Variants in INPP4B observed in about 807,000 individuals in gnomAD.
The protein encoded by INPP4B is inositol polyphosphate-4-phosphatase type II B.
A neutral mutation model predicts 122.5 loss-of-function variants in INPP4B; 55 were observed. The ratio of observed to expected loss-of-function variants is 0.45; its 90% CI spans 0.36 to 0.56. The LOEUF is 0.56. Among genes scored for constraint, INPP4B ranks in the 20% least tolerant of loss-of-function variants. The pLI is 0.00. For synonymous variants in INPP4B, 403 were observed against 388.7 expected (o/e 1.04, Z -0.43); for missense variants, 1,000 against 1,097.7 (o/e 0.91, Z 1.26).
chr4:142,251,124 T>C (rs903847782), intron 11 of INPP4B, among the ~76,000 whole-genome samples: 12 of 152,212 alleles, frequency 7.9e-5, no homozygotes, highest in Non-Finnish European at 1.0e-4. Flanking sequence ...ATAAGTAATA[T>C]GTTTGCTTGA....
intron 2 of INPP4B, among the ~76,000 whole-genome samples, chr4:142,464,940 C>T (rs1817482557): frequency 6.6e-6 from 1 of 152,140 alleles, no homozygotes; most frequent in Non-Finnish European, 1.5e-5. Flanking sequence ...ATTAACAGAA[C>T]AGACTGCACA....
intron 8 of INPP4B, among the ~76,000 whole-genome samples, chr4:142,312,907 T>C (rs1295650851): frequency 6.6e-6 from 1 of 152,136 alleles, no homozygotes; most frequent in Non-Finnish European, 1.5e-5. Context: ...GCATCAAGTC[T>C]AGCAGTAAGA....
At chr4:142,806,793 AAG>A (rs752087193) in intron 1 of INPP4B, among the ~76,000 whole-genome samples, 8 of 135,612 alleles carry the variant, frequency 5.9e-5, no homozygotes, top group African/African-American at 2.0e-4. Context: ...GAAGGAAAGA[AAG>A]AAAGAAAGAA....
At chr4:142,048,608 T>C (rs577283873) in intron 25 of INPP4B, among the ~76,000 whole-genome samples, 1 of 152,028 alleles carries the variant, frequency 6.6e-6, no homozygotes, top group African/African-American at 2.4e-5. Context: ...CAGGTATTTA[T>C]GTGAACTAAG....
rs1818308032 is a variant in INPP4B at position 142,158,358 on chromosome 4, C to A, written c.1563+2000G>T. The stretch of plus-strand genomic sequence containing the variant: ...CGATTGCTATTTGTCTTTCTACAGC[C>A]CTGAATAGGCTGTGGAGTAACTGAG... On this transcript the variant is annotated intron_variant, in intron 17 of 25. Transcript: ENST00000262992. Among the ~76,000 whole-genome samples, 3 of 152,020 alleles carry A rather than the reference C, an allele frequency of 2.0e-5. No individual in the cohort carries two copies. In the South Asian group the frequency reaches 6.2e-4, roughly 31 times the overall value.
intron 25 of INPP4B, among the ~76,000 whole-genome samples, chr4:142,066,718 C>G (rs1453888715): frequency 6.6e-6 from 1 of 152,224 alleles, no homozygotes; most frequent in Admixed American, 6.5e-5. Context: ...CAGAGCCTCA[C>G]TCATTGTTAG....
intron 9 of INPP4B, among the ~76,000 whole-genome samples, chr4:142,280,456 AATTCAATTT>A (rs1750672053): frequency 6.6e-6 from 1 of 152,010 alleles, no homozygotes; most frequent in South Asian, 2.1e-4. Context: ...TATACTATAC[AATTCAATTT>A]ATTCAATTTC....
intron 2 of INPP4B, among the ~76,000 whole-genome samples, chr4:142,699,453 C>T (rs1316675084): frequency 2.0e-5 from 3 of 152,108 alleles, no homozygotes; most frequent in African/African-American, 7.2e-5. Context: ...GCTTGGTAAT[C>T]ACAGAGCTTG....
At chr4:142,662,328 T>C (rs1755348633) in intron 2 of INPP4B, among the ~76,000 whole-genome samples, 1 of 152,152 alleles carries the variant, frequency 6.6e-6, no homozygotes, top group African/African-American at 2.4e-5. Context: ...CTCTGCACAA[T>C]CTTAATGCTC....
At chr4:142,732,266 G>A (rs972320849) in intron 1 of INPP4B, among the ~76,000 whole-genome samples, 3 of 152,050 alleles carry the variant, frequency 2.0e-5, no homozygotes, top group African/African-American at 7.2e-5. Flanking sequence ...CTCACATGCT[G>A]ATGAACTATC....
intron 7 of INPP4B, among the ~76,000 whole-genome samples, chr4:142,380,449 C>T (rs1458313859): frequency 2.0e-5 from 3 of 152,136 alleles, no homozygotes; most frequent in African/African-American, 7.2e-5. Context: ...CAGGCTATCA[C>T]TTGCTCAAAA....
intron 1 of INPP4B, among the ~76,000 whole-genome samples, chr4:142,728,681 G>A (rs1765659567): frequency 6.6e-6 from 1 of 152,082 alleles, no homozygotes; most frequent in Non-Finnish European, 1.5e-5. Flanking sequence ...AAATCTACAA[G>A]CTAAGGAATG....
chr4:142,564,902 A>G (rs925807872), intron 2 of INPP4B, among the ~76,000 whole-genome samples: 1 of 152,204 alleles, frequency 6.6e-6, no homozygotes, highest in African/African-American at 2.4e-5. Context: ...GACAAAATAT[A>G]TAAGGTTATA....
chr4:142,072,815 T>C (rs1369861100), intron 25 of INPP4B, among the ~76,000 whole-genome samples: 1 of 152,106 alleles, frequency 6.6e-6, no homozygotes, highest in South Asian at 2.1e-4. Context: ...AAATTATCAC[T>C]ACAATATAAG....
intron 7 of INPP4B, among the ~76,000 whole-genome samples, chr4:142,391,085 C>T (rs898700496): frequency 6.6e-6 from 1 of 152,062 alleles, no homozygotes; most frequent in Non-Finnish European, 1.5e-5. Flanking sequence ...ATTTGAATAC[C>T]AAGAAAATAC....
chr4:142,652,974 T>C (rs946469828), intron 2 of INPP4B, among the ~76,000 whole-genome samples: 2 of 152,130 alleles, frequency 1.3e-5, no homozygotes, highest in Non-Finnish European at 2.9e-5. Flanking sequence ...CTTCAAACTA[T>C]ACTACAAGGC....
chr4:142,730,760 T>C (rs1765966434), intron 1 of INPP4B, among the ~76,000 whole-genome samples: 1 of 152,218 alleles, frequency 6.6e-6, no homozygotes, highest in Non-Finnish European at 1.5e-5. Context: ...AACTTGTGCC[T>C]CTCACATTTT....
intron 25 of INPP4B, among the ~76,000 whole-genome samples, chr4:142,064,509 T>G (rs1427087341): frequency 2.6e-5 from 4 of 152,110 alleles, no homozygotes; most frequent in Non-Finnish European, 5.9e-5. Context: ...AGATGTTTGT[T>G]ATATGAAAGA....
chr4:142,717,400 G>A (rs1419215695), intron 2 of INPP4B, among the ~76,000 whole-genome samples: 4 of 152,106 alleles, frequency 2.6e-5, no homozygotes, highest in Non-Finnish European at 4.4e-5. Context: ...GGCAATATTA[G>A]ACACAGAGCT....
Sources: gnomAD v4.1 joint callset for allele counts (sites outside exome capture counted in the v4.1 genomes callset) on GRCh38, gnomAD v4.1.1 for gene constraint, MANE v1.5 for transcripts, NCBI Gene and HGNC (gene_info 2026-07-23, HGNC 2026-07-21) for gene names.